The following STEAP1B variants were observed in gnomAD, a reference collection of about 807,000 sequenced individuals.
The protein encoded by STEAP1B is STEAP family protein MGC87042.
STEAP1B carries 13 observed loss-of-function variants against 27.9 expected under a neutral mutation model. The observed-to-expected ratio is 0.47, with a 90% CI of 0.30 to 0.74. STEAP1B has a LOEUF of 0.74. Among genes scored for constraint, STEAP1B ranks in the 30% least tolerant of loss-of-function variants. The probability of loss-of-function intolerance (pLI) is 0.06; values close to 1 mark genes in which losing one functional copy is unlikely to be tolerated. For synonymous variants in STEAP1B, 86 were observed against 107.1 expected (o/e 0.80, Z 1.22); for missense variants, 250 against 298.7 (o/e 0.84, Z 1.20).
At chr7:22,491,510 T>C (rs1168961543) in intron 4 of STEAP1B, among the ~76,000 whole-genome samples, 2 of 152,190 alleles carry the variant, frequency 1.3e-5, no homozygotes, top group African/African-American at 4.8e-5. Context: ...GGGATGACTA[T>C]AGAAATCTAT....
chr7:22,421,792 G>A (rs566304746), intron 4 of STEAP1B, among the ~76,000 whole-genome samples: 14 of 152,240 alleles, frequency 9.2e-5, no homozygotes, highest in Admixed American at 4.6e-4. Context: ...TATTCATTCA[G>A]ATTAACACAT....
chr7:22,496,688 C>T (rs1786447709), intron 1 of STEAP1B, among the ~76,000 whole-genome samples: 2 of 152,204 alleles, frequency 1.3e-5, no homozygotes, highest in Non-Finnish European at 2.9e-5. Flanking sequence ...GAGCAAGAGA[C>T]TATACCATCT....
chr7:22,489,870 A>G (rs1786289389), intron 4 of STEAP1B, among the ~76,000 whole-genome samples: 1 of 152,180 alleles, frequency 6.6e-6, no homozygotes, highest in African/African-American at 2.4e-5. Context: ...CATTTTCATG[A>G]TATTGATTCC....
chr7:22,486,037 C>T lies in STEAP1B; in HGVS notation c.762+6528G>A, dbSNP rs188344366. Among the ~76,000 whole-genome samples the T allele has an allele frequency of 1.7e-3, 252 of 152,282 alleles. 1 individual carries two copies. The highest frequency in any genetic ancestry group is 1.9e-3 in the Non-Finnish European group (127 of 68,016). On this transcript the variant is annotated intron_variant, in intron 4 of 4. Transcript: ENST00000678116. The stretch of plus-strand genomic sequence containing the variant: ...TGCCACACTCAGTGGTTCTCAAACT[C>T]GGTTGCACATTAAGATTACCTGGAG...
At chr7:22,471,609 G>C (rs910601490) in intron 4 of STEAP1B, among the ~76,000 whole-genome samples, 3 of 152,164 alleles carry the variant, frequency 2.0e-5, no homozygotes, top group South Asian at 2.1e-4. Flanking sequence ...TTGATTAACA[G>C]AAATTGTTTT....
In STEAP1B at chr7:22,427,493, G is replaced by A. The variant is rs149960339; in HGVS notation, c.763-7657C>T. Among the ~76,000 whole-genome samples, 189 of 152,304 alleles carry A rather than the reference G, an allele frequency of 1.2e-3. 1 individual carries two copies. The highest frequency in any genetic ancestry group is 4.2e-3 in the African/African-American group (173 of 41,550). On this transcript the variant is annotated intron_variant, in intron 4 of 4. Coordinates refer to ENST00000678116, the MANE Select transcript of STEAP1B (RefSeq NM_001382447.1). ...AGATGGGAAAGGGTGGAAAAGAATA[G>A]GTAGATGAATTGGTGGAGGTCCCTA...
At chr7:22,434,369 C>T (rs1189951750) in intron 4 of STEAP1B, among the ~76,000 whole-genome samples, 2 of 152,216 alleles carry the variant, frequency 1.3e-5, no homozygotes, top group African/African-American at 4.8e-5. Context: ...AGAGTCATGA[C>T]TCTGCTGATC....
intron 4 of STEAP1B, among the ~76,000 whole-genome samples, chr7:22,489,297 C>T (rs111683148): frequency 0.013 from 1,912 of 152,222 alleles, 16 homozygotes; most frequent in Middle Eastern, 0.034. Flanking sequence ...GAACATAATA[C>T]GGTCAAAGCA....
intron 4 of STEAP1B, among the ~76,000 whole-genome samples, chr7:22,420,356 T>C (rs1379020517): frequency 6.6e-6 from 1 of 152,198 alleles, no homozygotes; most frequent in Non-Finnish European, 1.5e-5. Context: ...TCAGCCCATA[T>C]CCTCAATCCA....
chr7:22,476,460 G>A (rs1365684822), intron 4 of STEAP1B, among the ~76,000 whole-genome samples: 1 of 152,142 alleles, frequency 6.6e-6, no homozygotes, highest in Non-Finnish European at 1.5e-5. Context: ...GCAGTTTATG[G>A]AGCATTTTCA....
At chr7:22,423,577 A>C (rs1583625665) in intron 4 of STEAP1B, among the ~76,000 whole-genome samples, 1 of 152,244 alleles carries the variant, frequency 6.6e-6, no homozygotes, top group East Asian at 1.9e-4. Flanking sequence ...CCATAGAGAC[A>C]GAAAGTTGAC....
intron 4 of STEAP1B, among the ~76,000 whole-genome samples, chr7:22,435,491 A>AT (rs1785241838): frequency 6.6e-6 from 1 of 152,206 alleles, no homozygotes; most frequent in Non-Finnish European, 1.5e-5. Context: ...AAAGCCATTT[A>AT]TTGACAACCC....
chr7:22,463,103 A>G (rs561129354), intron 4 of STEAP1B, among the ~76,000 whole-genome samples: 1 of 152,322 alleles, frequency 6.6e-6, no homozygotes, highest in African/African-American at 2.4e-5. Context: ...CAACTTCAGC[A>G]AAGTCTCAGG....
chr7:22,443,124 C>T lies in STEAP1B; in HGVS notation c.763-23288G>A, dbSNP rs375091177. 4.6e-5 allele frequency among the ~76,000 whole-genome samples: 7 copies of T among 151,668 alleles called. No individual in the cohort carries two copies. In the East Asian group the frequency reaches 1.2e-3, roughly 25 times the overall value. The stretch of plus-strand genomic sequence containing the variant: ...TGATCTTCCTTTCCTAATCCTGCTT[C>T]CTCCTCATCTTTCGCAGGTGTTTAC... On this transcript the variant is annotated intron_variant, in intron 4 of 4. Transcript: ENST00000678116.
chr7:22,479,835 C>G (rs534923446), intron 4 of STEAP1B, among the ~76,000 whole-genome samples: 5 of 124,592 alleles, frequency 4.0e-5, no homozygotes, highest in African/African-American at 1.5e-4. Flanking sequence ...CAGGCACACA[C>G]CGGCGACGCC....
rs529491721 is a variant in STEAP1B at position 22,492,935 on chromosome 7, T to C, written c.598-206A>G. ...TTTTTTCTTGAATGCAACATTTCCA[T>C]AATCTATTAATTTTCTAATAATTAT... On this transcript the variant is annotated intron_variant, in intron 3 of 4. Coordinates refer to ENST00000678116, the MANE Select transcript of STEAP1B (RefSeq NM_001382447.1). Among the ~76,000 whole-genome samples the C allele has an allele frequency of 4.6e-5, 7 of 152,310 alleles. No individual in the cohort carries two copies. In the South Asian group the frequency reaches 1.2e-3, roughly 27 times the overall value.
intron 4 of STEAP1B, among the ~76,000 whole-genome samples, chr7:22,438,093 CAGA>C (rs374717426): frequency 9.2e-4 from 140 of 152,220 alleles, no homozygotes; most frequent in African/African-American, 3.1e-3. Context: ...TTTTGCTGTG[CAGA>C]AGGTTTTTAC....
At chr7:22,494,466 G>A (rs549802615) in intron 2 of STEAP1B, among the ~76,000 whole-genome samples, 1 of 151,002 alleles carries the variant, frequency 6.6e-6, no homozygotes, top group African/African-American at 2.4e-5. Flanking sequence ...TAGAGTGTTA[G>A]AAAGAATTGG....
rs552388260 is a variant in STEAP1B, at chr7:22,479,517, G to A, written c.762+13048C>T. Among the ~76,000 whole-genome samples, 5 of 152,204 alleles carry A rather than the reference G, an allele frequency of 3.3e-5. No homozygotes were observed. In the South Asian group the frequency reaches 1.0e-3, roughly 32 times the overall value. On this transcript the variant is annotated intron_variant, in intron 4 of 4. Coordinates refer to ENST00000678116, the MANE Select transcript of STEAP1B (RefSeq NM_001382447.1). ...CCTCCCATGGAGCAGGCAAGTAGGC[G>A]AAACAACTTGCTGGCTGGCCAATCT...
Sources: gnomAD v4.1 joint callset for allele counts (sites outside exome capture counted in the v4.1 genomes callset) on GRCh38, gnomAD v4.1.1 for gene constraint, MANE v1.5 for transcripts, NCBI Gene and HGNC (gene_info 2026-07-23, HGNC 2026-07-21) for gene names.